PSMD1: variants seen among roughly 807,000 people sequenced by gnomAD.
PSMD1 encodes the protein 26S proteasome non-ATPase regulatory subunit 1.
In PSMD1, 18 loss-of-function variants were observed where a neutral mutation model predicts 119.0. The observed-to-expected ratio is 0.15, with a 90% CI of 0.10 to 0.22. The LOEUF is 0.22. Ranked by LOEUF, PSMD1 falls within the 10% of genes least tolerant of loss-of-function variation. PSMD1 has a pLI of 1.00. For synonymous variants in PSMD1, 374 were observed against 396.6 expected, an observed-to-expected ratio of 0.94 and a Z score of 0.68; for missense variants, 702 against 1,158.5, an observed-to-expected ratio of 0.61 and a Z score of 5.72.
At chr2:231,150,327 A>G (rs1696345032) in intron 18 of PSMD1, among the ~76,000 whole-genome samples, 1 of 151,806 alleles carries the variant, frequency 6.6e-6, no homozygotes, top group Non-Finnish European at 1.5e-5. Context: ...AGCTTGGGCG[A>G]CACAGTGAGG....
intron 16 of PSMD1, among the ~76,000 whole-genome samples, chr2:231,119,028 G>A (rs1695441450): frequency 6.6e-6 from 1 of 152,094 alleles, no homozygotes; most frequent in South Asian, 2.1e-4. Flanking sequence ...TTTCTGTTTT[G>A]TTTTTTACTT....
chr2:231,131,159 G>A (rs1695843974), intron 16 of PSMD1, among the ~76,000 whole-genome samples: 1 of 152,084 alleles, frequency 6.6e-6, no homozygotes, highest in African/African-American at 2.4e-5. Flanking sequence ...GTAGTTTAAT[G>A]TGTTGTTTGG....
At chr2:231,111,085 C>T (rs1193823433) in intron 16 of PSMD1, among the ~76,000 whole-genome samples, 1 of 152,186 alleles carries the variant, frequency 6.6e-6, no homozygotes, top group Non-Finnish European at 1.5e-5. Context: ...TCAATGGCTT[C>T]AGTACCTGCT....
In PSMD1 at chr2:231,162,417, C is replaced by T. The variant is rs935490023; in HGVS notation, c.2388+908C>T. ...GCCAGTTATCCTTCGTTAAGTGTTT[C>T]GGTATTAAAACTGCTCACATTTGTA... On this transcript the variant is annotated intron_variant, in intron 20 of 24. Transcript: ENST00000308696. Among the ~76,000 whole-genome samples the T allele has an allele frequency of 3.3e-5, 5 of 152,130 alleles. No individual in the cohort carries two copies. In the South Asian group the frequency reaches 6.2e-4, roughly 19 times the overall value.
At chr2:231,160,462 G>C (rs538738976) in intron 19 of PSMD1, among the ~76,000 whole-genome samples, 38 of 152,194 alleles carry the variant, frequency 2.5e-4, no homozygotes, top group Admixed American at 1.1e-3. Context: ...TGTTTATGCT[G>C]CTTAGCACCT....
At position 231,168,264 on chromosome 2, in the gene PSMD1, CA is replaced by C. The variant is rs1696834108; in HGVS notation, c.2715+2252del. On this transcript the variant is annotated intron_variant, in intron 23 of 24. Coordinates refer to ENST00000308696, the MANE Select transcript of PSMD1 (RefSeq NM_002807.4). ...GGAAAAAAAGAATTTGGCAGTTCCT[CA>C]AAAAGTTAAATGTAGTCTTATCATA... 2.0e-5 allele frequency among the ~76,000 whole-genome samples: 3 copies of C among 152,248 alleles called. No homozygotes were observed. The South Asian group carries it at 6.2e-4, about 32-fold the overall frequency.
At chr2:231,058,924 G>A (rs1693685687) in intron 1 of PSMD1, among the ~76,000 whole-genome samples, 1 of 151,808 alleles carries the variant, frequency 6.6e-6, no homozygotes, top group African/African-American at 2.4e-5. Flanking sequence ...CTCTGTAATT[G>A]CCTTGTTTGT....
chr2:231,058,222 G>A (rs1032247748), intron 1 of PSMD1, among the ~76,000 whole-genome samples: 13 of 152,068 alleles, frequency 8.5e-5, no homozygotes, highest in Non-Finnish European at 1.0e-4. Context: ...GCCACCTATA[G>A]GCCTCATTCT....
At chr2:231,117,287 C>CA (rs1293415941) in intron 16 of PSMD1, among the ~76,000 whole-genome samples, 1 of 151,900 alleles carries the variant, frequency 6.6e-6, no homozygotes, top group African/African-American at 2.4e-5. Flanking sequence ...TATACTTCCA[C>CA]AAAGACTTAA....
chr2:231,165,290 G>A lies in PSMD1; in HGVS notation c.2568+4G>A. ...GGAGGAGGAGAAAATGGAAGTGGTA[G>A]GTATAAATTGGTGGTCATATGGATT... On this transcript the variant is annotated splice_donor_region_variant and intron_variant, in intron 22 of 24. Coordinates refer to ENST00000308696, the MANE Select transcript of PSMD1 (RefSeq NM_002807.4). 1 of 1,589,186 alleles carries A rather than the reference G, an allele frequency of 6.3e-7. No homozygotes were observed. Among genetic ancestry groups the A allele is most frequent in the Non-Finnish European group, 8.6e-7 (1 of 1,164,574 alleles).
chr2:231,111,134 A>G (rs1402343084), intron 16 of PSMD1, among the ~76,000 whole-genome samples: 1 of 152,072 alleles, frequency 6.6e-6, no homozygotes, highest in Non-Finnish European at 1.5e-5. Flanking sequence ...AGCATTTTCT[A>G]CTTCATCCCA....
At chr2:231,169,618 C>A (rs1205028071) in intron 23 of PSMD1, among the ~76,000 whole-genome samples, 2 of 152,136 alleles carry the variant, frequency 1.3e-5, no homozygotes, top group African/African-American at 4.8e-5. Context: ...TGCAGAGATG[C>A]TTATACATAC....
chr2:231,062,237 A>T lies in PSMD1; in HGVS notation c.61-11A>T, dbSNP rs367961865. On this transcript the variant is annotated splice_polypyrimidine_tract_variant and intron_variant, in intron 2 of 24. Coordinates refer to ENST00000308696, the MANE Select transcript of PSMD1 (RefSeq NM_002807.4). Reference sequence around the variant, plus strand: ...TCTATCTCAAAATAGGATTTTGGTTATCTTTTACAGGAATTTGCACTACAC... The same window carrying T: ...TCTATCTCAAAATAGGATTTTGGTTTTCTTTTACAGGAATTTGCACTACAC... The T allele has an allele frequency of 6.2e-6, 10 of 1,602,628 alleles. No homozygotes were observed. In the African/African-American group the frequency reaches 1.3e-4, roughly 21 times the overall value.
At chr2:231,138,699 AC>A (rs772196239) in intron 16 of PSMD1, 36 bp from the exon 17 acceptor site, 1 of 1,455,802 alleles carries the variant, frequency 6.9e-7, no homozygotes, top group African/African-American at 1.4e-5. Context: ...AAAATAGATT[AC>A]CTATAACAGT....
chr2:231,169,381 C>G (rs916465199), intron 23 of PSMD1, among the ~76,000 whole-genome samples: 1 of 152,134 alleles, frequency 6.6e-6, no homozygotes, highest in Non-Finnish European at 1.5e-5. Flanking sequence ...AGGATTAGGA[C>G]AGTGGCCCTA....
intron 16 of PSMD1, among the ~76,000 whole-genome samples, chr2:231,106,582 C>T (rs1694980156): frequency 6.6e-6 from 1 of 151,930 alleles, no homozygotes; most frequent in South Asian, 2.1e-4. Flanking sequence ...TGCGCCACTG[C>T]ACTCCAGCCT....
intron 1 of PSMD1, 72 bp from the exon 2 acceptor site, chr2:231,061,195 T>G: frequency 8.1e-7 from 1 of 1,234,600 alleles, no homozygotes; most frequent in Non-Finnish European, 1.2e-6. Flanking sequence ...CATCATGTAT[T>G]TTTGACCAGG....
chr2:231,099,538 G>A (rs552141450), intron 16 of PSMD1, among the ~76,000 whole-genome samples: 3 of 152,250 alleles, frequency 2.0e-5, no homozygotes, highest in East Asian at 1.9e-4. Context: ...ATATCCAGGG[G>A]GATGTCTTTG....
chr2:231,153,543 T>G (rs545421516), intron 18 of PSMD1, 21 bp from the exon 19 acceptor site: 4 of 1,522,978 alleles, frequency 2.6e-6, no homozygotes, highest in East Asian at 4.5e-5. Context: ...TAGACTATAA[T>G]TCTTTCTCTT....
Sources: gnomAD v4.1 joint callset for allele counts (sites outside exome capture counted in the v4.1 genomes callset) on GRCh38, gnomAD v4.1.1 for gene constraint, MANE v1.5 for transcripts, NCBI Gene and HGNC (gene_info 2026-07-23, HGNC 2026-07-21) for gene names.